DTHD1: variants seen among roughly 807,000 people sequenced by gnomAD.
The protein encoded by DTHD1 is death domain-containing protein 1.
A neutral mutation model predicts 74.8 loss-of-function variants in DTHD1; 59 were observed. The ratio of observed to expected loss-of-function variants is 0.79; its 90% CI spans 0.64 to 0.98. DTHD1 has a LOEUF of 0.98. Ranked by LOEUF, DTHD1 falls within the 50% of genes least tolerant of loss-of-function variation. The pLI is 0.00. For synonymous variants in DTHD1, 365 were observed against 371.1 expected, an observed-to-expected ratio of 0.98 and a Z score of 0.19; for missense variants, 1,051 against 1,065.4, an observed-to-expected ratio of 0.99 and a Z score of 0.19.
chr4:36,321,284 G>C (rs1298531680), intron 8 of DTHD1, among the ~76,000 whole-genome samples: 1 of 152,206 alleles, frequency 6.6e-6, no homozygotes, highest in Non-Finnish European at 1.5e-5. Flanking sequence ...GGTCTGTTAG[G>C]AACCAGGAGG....
intron 8 of DTHD1, among the ~76,000 whole-genome samples, chr4:36,326,775 A>C (rs1428722529): frequency 2.0e-5 from 3 of 152,246 alleles, no homozygotes; most frequent in Admixed American, 2.0e-4. Flanking sequence ...TGCATTTAGC[A>C]GAAGCCTTTC....
chr4:36,323,583 A>ATTTTTTTTTTTTTTTTTTTTTTTTTT (rs1553970960), intron 8 of DTHD1, among the ~76,000 whole-genome samples: 1 of 148,676 alleles, frequency 6.7e-6, no homozygotes, highest in Non-Finnish European at 1.5e-5. Flanking sequence ...TAGGTATTTT[A>ATTTTTTTTTTTTTTTTTTTTTTTTTT]AAAAGCAGAT....
rs1025922156 is a variant in DTHD1 at position 36,284,340 on chromosome 4, C to T, written c.636C>T (p.Phe212=). The change falls in exon 2 of 10, where the codon TTC becomes TTT. Residue 212 remains phenylalanine, a synonymous_variant. Coordinates refer to ENST00000639862, the MANE Select transcript of DTHD1 (RefSeq NM_001170700.3). ...LGQEESQNKM[F]PDNAENEDDK... ...AAGAAGAGTCACAGAATAAAATGTT[C>T]CCAGATAATGCAGAAAATGAAGATG... is the stretch of plus-strand genomic sequence containing the variant. 6.5e-7 allele frequency: 1 copy of T among 1,536,896 alleles called. No homozygotes were observed. Among genetic ancestry groups the T allele is most frequent in the African/African-American group, 1.4e-5 (1 of 72,988 alleles).
rs770019983 is a variant in DTHD1, at chr4:36,346,206, G to T, written c.*2382G>T. Among the ~76,000 whole-genome samples, 2 of 151,044 alleles carry T rather than the reference G, an allele frequency of 1.3e-5. No individual in the cohort carries two copies. Among genetic ancestry groups the T allele is most frequent in the Admixed American group, 6.6e-5 (1 of 15,140 alleles). Reference sequence around the variant, plus strand: ...TACCCCACCTCCACATTTCATATACGCATACACTCATTAATATGCCTCCCC... The same window carrying T: ...TACCCCACCTCCACATTTCATATACTCATACACTCATTAATATGCCTCCCC... On this transcript the variant is annotated 3_prime_UTR_variant, in exon 10 of 10. Coordinates refer to ENST00000639862, the MANE Select transcript of DTHD1 (RefSeq NM_001170700.3).
At chr4:36,324,598 C>G (rs1476833043) in intron 8 of DTHD1, among the ~76,000 whole-genome samples, 1 of 152,064 alleles carries the variant, frequency 6.6e-6, no homozygotes, top group Admixed American at 6.5e-5. Flanking sequence ...TATCAGTCAA[C>G]ACGTTAATTT....
intron 4 of DTHD1, among the ~76,000 whole-genome samples, chr4:36,294,312 C>A (rs193140537): frequency 1.3e-5 from 2 of 151,740 alleles, no homozygotes; most frequent in Admixed American, 1.3e-4. Context: ...TGAAGAAGAA[C>A]GATTAGGAAG....
At chr4:36,298,108 A>C (rs1353869113) in intron 5 of DTHD1, among the ~76,000 whole-genome samples, 1 of 151,958 alleles carries the variant, frequency 6.6e-6, no homozygotes, top group Non-Finnish European at 1.5e-5. Context: ...CATTTAACTG[A>C]TATACTCTTG....
intron 5 of DTHD1, among the ~76,000 whole-genome samples, chr4:36,300,396 G>A (rs1756690252): frequency 6.6e-6 from 1 of 152,138 alleles, no homozygotes; most frequent in Admixed American, 6.5e-5. Context: ...CTTGATTATT[G>A]CTTACAGTTT....
intron 8 of DTHD1, among the ~76,000 whole-genome samples, chr4:36,320,350 G>A (rs961443662): frequency 5.3e-5 from 8 of 152,078 alleles, no homozygotes; most frequent in East Asian, 1.9e-4. Context: ...TTGCCAGTGC[G>A]GACACATAGT....
At chr4:36,319,498 C>G (rs1334238911) in intron 8 of DTHD1, among the ~76,000 whole-genome samples, 1 of 152,204 alleles carries the variant, frequency 6.6e-6, no homozygotes, top group Non-Finnish European at 1.5e-5. Flanking sequence ...GGCAGCTCAG[C>G]TGGCACATTG....
intron 5 of DTHD1, among the ~76,000 whole-genome samples, chr4:36,300,731 T>A (rs138321118): frequency 3.3e-5 from 5 of 152,128 alleles, no homozygotes; most frequent in African/African-American, 9.7e-5. Flanking sequence ...ATTTTATAGA[T>A]AATGAAATCA....
chr4:36,333,558 G>C (rs971169319), intron 8 of DTHD1: 1 of 152,208 alleles, frequency 6.6e-6, no homozygotes, highest in African/African-American at 2.4e-5. Flanking sequence ...GGAAGCAGGA[G>C]AGACCAAGAG....
intron 8 of DTHD1, among the ~76,000 whole-genome samples, chr4:36,324,393 T>C (rs1035858494): frequency 1.6e-4 from 24 of 152,214 alleles, no homozygotes; most frequent in African/African-American, 5.3e-4. Context: ...TTGATTTTTC[T>C]TTTACAAAGG....
chr4:36,294,950 C>T lies in DTHD1; in HGVS notation c.1554C>T (p.Tyr518=). The T allele has an allele frequency of 3.9e-6, 6 of 1,551,562 alleles. No homozygotes were observed. The highest frequency in any genetic ancestry group is 1.4e-5 in the African/African-American group (1 of 73,104). Reference sequence around the variant, plus strand: ...CTTTGTTTTTACCTTGTTCTCCATACCTTGATAAAAACAACCTTGGTTCTG... The same window carrying T: ...CTTTGTTTTTACCTTGTTCTCCATATCTTGATAAAAACAACCTTGGTTCTG... ...PVTLFLPCSP[Y]LDKNNLGSEI... is the part of the protein sequence containing the mutation. Residue 518 remains tyrosine, a synonymous_variant, in exon 5 of 10, where the codon TAC becomes TAT. Transcript: ENST00000639862.
Position 36,316,378 on chromosome 4 carries a change from TTA to T in DTHD1, c.2235_2236del (p.Tyr745Ter). ...CTCATTACAAAGGCACCATTGTCGT[TTA>T]TAAAGTACCTAAAGGAAAGATAGTC... The part of the protein sequence containing the change: ...CPHYKGTIVV[Y>X]KVPKGKIVPN... On this transcript the variant is annotated frameshift_variant, in exon 8 of 10. Transcript: ENST00000639862. LOFTEE classifies it high-confidence loss of function. 1 of 1,552,162 alleles carries T rather than the reference TTA, an allele frequency of 6.4e-7. No homozygotes were observed. The highest frequency in any genetic ancestry group is 8.7e-7 in the Non-Finnish European group (1 of 1,147,090).
intron 5 of DTHD1, among the ~76,000 whole-genome samples, chr4:36,296,307 T>A (rs1756393416): frequency 6.6e-6 from 1 of 152,160 alleles, no homozygotes. Context: ...AATGGACTAC[T>A]CACATGCTCT....
At position 36,343,946 on chromosome 4, in the gene DTHD1, T is replaced by A; in HGVS notation, c.*122T>A. On this transcript the variant is annotated 3_prime_UTR_variant, in exon 10 of 10. Coordinates refer to ENST00000639862, the MANE Select transcript of DTHD1 (RefSeq NM_001170700.3). Reference sequence around the variant, plus strand: ...GAAGTCAGTCTATTTAATGATGTGCTATTTAATGATGTGAGACAAAGGGAG... The same window carrying A: ...GAAGTCAGTCTATTTAATGATGTGCAATTTAATGATGTGAGACAAAGGGAG... The A allele has an allele frequency of 1.0e-6, 1 of 955,556 alleles. No homozygotes were observed. Among genetic ancestry groups the A allele is most frequent in the Non-Finnish European group, 1.5e-6 (1 of 661,164 alleles). 59.2% of individuals were successfully genotyped at this position (955,556 alleles called of 1,614,324 possible). A position where few individuals can be genotyped will look rare whatever the true frequency, so the allele number is the denominator to read the frequency against.
chr4:36,311,635 T>C (rs1757416156), intron 7 of DTHD1: 1 of 152,220 alleles, frequency 6.6e-6, no homozygotes, highest in African/African-American at 2.4e-5. Context: ...GTGGCCTTTG[T>C]CACATGCAAT....
chr4:36,330,524 G>T (rs762405939), intron 8 of DTHD1, among the ~76,000 whole-genome samples: 1 of 152,120 alleles, frequency 6.6e-6, no homozygotes, highest in African/African-American at 2.4e-5. Context: ...ATACTTCAAG[G>T]TTCTATAACA....
Sources: allele counts gnomAD v4.1 joint callset (sites outside exome capture counted in the v4.1 genomes callset), GRCh38; gene constraint gnomAD v4.1.1; transcripts MANE v1.5; gene names NCBI Gene and HGNC (gene_info 2026-07-23, HGNC 2026-07-21).